The following DENND3 variants were observed in gnomAD, a reference collection of about 807,000 sequenced individuals.
The protein encoded by DENND3 is DENN domain-containing protein 3.
In DENND3, 88 loss-of-function variants were observed where a neutral mutation model predicts 135.1. The observed-to-expected ratio is 0.65, with a 90% CI of 0.55 to 0.78. DENND3 has a LOEUF of 0.78. Ranked by LOEUF, DENND3 falls within the 30% of genes least tolerant of loss-of-function variation. The pLI is 0.00. For missense variants in DENND3, 1,392 were observed against 1,688.4 expected, an observed-to-expected ratio of 0.82 and a Z score of 3.08; for synonymous variants, 693 against 712.3, an observed-to-expected ratio of 0.97 and a Z score of 0.43.
Position 141,146,674 on chromosome 8 carries a change from A to G in DENND3, c.735+2415A>G, listed in dbSNP as rs1589572723. On this transcript the variant is annotated intron_variant, in intron 5 of 22. Transcript: ENST00000519811. This position sits in a 1 kb window ranked among gnomAD's most constrained non-coding sequence, Gnocchi z 4.3. Reference sequence around the variant, plus strand: ...ACTTAAAATGTGCGTTTTTAACATTACCCCAACCCCAGCAGTCTGCTGGGT... The same window carrying G: ...ACTTAAAATGTGCGTTTTTAACATTGCCCCAACCCCAGCAGTCTGCTGGGT... Among the ~76,000 whole-genome samples, 1 of 152,148 alleles carries G rather than the reference A, an allele frequency of 6.6e-6. No homozygotes were observed. Among genetic ancestry groups the G allele is most frequent in the Non-Finnish European group, 1.5e-5 (1 of 68,032 alleles).
chr8:141,128,891 C>T lies in DENND3; in HGVS notation c.102+82C>T, dbSNP rs1302786630. ...AGTCGGAGAGCGGGCGCCCGGGTGCCCTGTGGGTTGGCGCGGACTTTCCGA... is the reference window on the plus strand; with the variant it reads ...AGTCGGAGAGCGGGCGCCCGGGTGCTCTGTGGGTTGGCGCGGACTTTCCGA... On this transcript the variant is annotated intron_variant, in intron 1 of 22. Coordinates refer to ENST00000519811, the MANE Select transcript of DENND3 (RefSeq NM_001352890.3). The surrounding 1 kb of genome is among the most constrained non-coding windows in gnomAD (Gnocchi z 4.5). 2 of 1,089,088 alleles carry T rather than the reference C, an allele frequency of 1.8e-6. No individual in the cohort carries two copies. The highest frequency in any genetic ancestry group is 6.6e-5 in the East Asian group (2 of 30,436). The allele number at this position is 1,089,088 out of a possible 1,614,324, so 67.5% of individuals were successfully genotyped here. A position where few individuals can be genotyped will look rare whatever the true frequency, so the allele number is the denominator to read the frequency against.
At position 141,166,449 on chromosome 8, in the gene DENND3, G is replaced by A; in HGVS notation, c.1753+60G>A. ...GGTCCCACCATTCCTGCACCTGCAAGTCATTGAGCAAAACTGGGACTTGTT... is the reference window on the plus strand; with the variant it reads ...GGTCCCACCATTCCTGCACCTGCAAATCATTGAGCAAAACTGGGACTTGTT... On this transcript the variant is annotated intron_variant, in intron 12 of 22. Transcript: ENST00000519811. The surrounding 1 kb of genome is among the most constrained non-coding windows in gnomAD (Gnocchi z 4.3). 5 of 1,533,872 alleles carry A rather than the reference G, an allele frequency of 3.3e-6. No homozygotes were observed. The highest frequency in any genetic ancestry group is 4.4e-6 in the Non-Finnish European group (5 of 1,139,768).
chr8:141,176,488 C>A, intron 14 of DENND3, 103 bp from the exon 15 acceptor site: 1 of 1,411,242 alleles, frequency 7.1e-7, no homozygotes, highest in Non-Finnish European at 9.9e-7. Context: ...GTGCCTGCAG[C>A]CCATCTGCCT....
rs1319164778 is a variant in DENND3, at chr8:141,180,851, C to T, written c.2941C>T (p.Pro981Ser). Residue 981 changes from proline to serine, a missense_variant, in exon 17 of 23, where the codon CCA becomes TCA. Coordinates refer to ENST00000519811, the MANE Select transcript of DENND3 (RefSeq NM_001352890.3). ...PQAVDVLLYT[P>S]GHLDPAEKVE... ...AGCGGTGGACGTGCTGCTCTACACT[C>T]CAGGTAAGGCCCCTCTGCCCGCGCC... is the stretch of plus-strand genomic sequence containing the variant. The T allele has an allele frequency of 6.2e-7, 1 of 1,610,258 alleles. No homozygotes were observed. Among genetic ancestry groups the T allele is most frequent in the Non-Finnish European group, 8.5e-7 (1 of 1,178,132 alleles).
At chr8:141,187,735 A>G (rs959253028) in intron 18 of DENND3, among the ~76,000 whole-genome samples, 12 of 152,188 alleles carry the variant, frequency 7.9e-5, no homozygotes, top group Admixed American at 7.8e-4. Context: ...TTCCCCCCAT[A>G]TTCAAATCAT....
At chr8:141,161,567 A>G (rs1265248349) in intron 9 of DENND3, among the ~76,000 whole-genome samples, 1 of 152,176 alleles carries the variant, frequency 6.6e-6, no homozygotes, top group Admixed American at 6.5e-5. Flanking sequence ...ATAGATAAGT[A>G]CTTTTTAATG....
Position 141,150,257 on chromosome 8 carries a change from A to C in DENND3, c.736-577A>C, listed in dbSNP as rs896833216. On this transcript the variant is annotated intron_variant, in intron 5 of 22. Coordinates refer to ENST00000519811, the MANE Select transcript of DENND3 (RefSeq NM_001352890.3). ...AAGCCCTCCCTCAGTGAAGGAACTG[A>C]ACCTTCTCCTCTGGATTTCCTCCGC... 4.9e-6 allele frequency: 6 copies of C among 1,223,578 alleles called. No homozygotes were observed. In the Admixed American group the frequency reaches 1.7e-4, roughly 35 times the overall value. The allele number at this position is 1,223,578 out of a possible 1,614,324, so 75.8% of individuals were successfully genotyped here.
intron 7 of DENND3, among the ~76,000 whole-genome samples, chr8:141,153,147 G>A (rs1414143587): frequency 6.9e-6 from 1 of 145,616 alleles, no homozygotes; most frequent in East Asian, 2.0e-4. Context: ...AGGCTGGAGT[G>A]CAATGGCGTG....
rs1271793086 is a variant in DENND3 at position 141,166,759 on chromosome 8, G to A, written c.1753+370G>A. Among the ~76,000 whole-genome samples the A allele has an allele frequency of 1.3e-5, 2 of 152,206 alleles. No individual in the cohort carries two copies. The highest frequency in any genetic ancestry group is 4.8e-5 in the African/African-American group (2 of 41,442). On this transcript the variant is annotated intron_variant, in intron 12 of 22. Transcript: ENST00000519811. The surrounding 1 kb of genome is among the most constrained non-coding windows in gnomAD (Gnocchi z 4.3). The stretch of plus-strand genomic sequence containing the variant: ...GCACCAGGCACTTTCTAGAGCCGGA[G>A]CTGTGAAGGAGCCCAGTGCCCCTGC...
Position 141,192,463 on chromosome 8 carries a change from G to A in DENND3, c.3498+14G>A, listed in dbSNP as rs369310208. On this transcript the variant is annotated intron_variant, in intron 21 of 22. Transcript: ENST00000519811. ...CTCCTTCCTGAGGTATCCCAGCAGG[G>A]GCTGTGGGCCCAGCATGTGCGTGGC... 117 of 1,613,990 alleles carry A rather than the reference G, an allele frequency of 7.2e-5. No individual in the cohort carries two copies. The African/African-American group carries it at 1.5e-3, about 21-fold the overall frequency.
intron 1 of DENND3, among the ~76,000 whole-genome samples, chr8:141,132,398 C>T (rs561204265): frequency 6.6e-6 from 1 of 152,138 alleles, no homozygotes; most frequent in African/African-American, 2.4e-5. Flanking sequence ...ACGCTTGTTG[C>T]CCAGGCTGGA....
intron 7 of DENND3, among the ~76,000 whole-genome samples, chr8:141,155,477 C>T (rs1271307537): frequency 6.7e-6 from 1 of 150,246 alleles, no homozygotes; most frequent in African/African-American, 2.5e-5. Context: ...GATCTCGGCT[C>T]ACTGCGGCCT....
Position 141,159,730 on chromosome 8 carries a change from C to T in DENND3, c.1197-902C>T, listed in dbSNP as rs144800565. Among the ~76,000 whole-genome samples, 202 of 152,324 alleles carry T rather than the reference C, an allele frequency of 1.3e-3. 1 individual carries two copies. The highest frequency in any genetic ancestry group is 1.2e-3 in the East Asian group (6 of 5,190). On this transcript the variant is annotated intron_variant, in intron 8 of 22. Coordinates refer to ENST00000519811, the MANE Select transcript of DENND3 (RefSeq NM_001352890.3). Reference sequence around the variant, plus strand: ...TTCTGTTTATTTTGTATATTTCTAACGTCCCTCTAGACATGCAGCCTTTAG... The same window carrying T: ...TTCTGTTTATTTTGTATATTTCTAATGTCCCTCTAGACATGCAGCCTTTAG...
chr8:141,143,789 G>A (rs1377615588), intron 4 of DENND3: 1 of 182,726 alleles, frequency 5.5e-6, no homozygotes, highest in Non-Finnish European at 1.1e-5. Flanking sequence ...TCTCCTTCCA[G>A]GTGTTTGTTC....
intron 4 of DENND3, chr8:141,142,342 C>G (rs757589641): frequency 5.3e-5 from 24 of 455,866 alleles, no homozygotes; most frequent in Non-Finnish European, 1.0e-4. Flanking sequence ...TTTGTGTCAT[C>G]ATGCTGGAGA....
Position 141,166,408 on chromosome 8 carries a change from T to C in DENND3, c.1753+19T>C, listed in dbSNP as rs412706. The stretch of plus-strand genomic sequence containing the variant: ...AGCGCAGGTGAGGGCTGCCCCCCAC[T>C]GTGGTGCTGTGTGTCGGTCCCACCA... On this transcript the variant is annotated intron_variant, in intron 12 of 22. Transcript: ENST00000519811. This position sits in a 1 kb window ranked among gnomAD's most constrained non-coding sequence, Gnocchi z 4.3. 0.63 allele frequency: 1,007,674 copies of C among 1,602,622 alleles called. 319,212 individuals carry two copies. Among genetic ancestry groups the C allele is most frequent in the African/African-American group, 0.8 (59,547 of 74,864 alleles).
chr8:141,163,066 G>A (rs1820342275), intron 9 of DENND3, among the ~76,000 whole-genome samples: 1 of 152,206 alleles, frequency 6.6e-6, no homozygotes, highest in South Asian at 2.1e-4. Context: ...TGACTTTTGT[G>A]TCTTAATTTG....
At chr8:141,151,469 G>A (rs566185546) in intron 6 of DENND3, 150 bp from the exon 7 acceptor site, 1 of 681,488 alleles carries the variant, frequency 1.5e-6, no homozygotes, top group South Asian at 1.9e-5. Flanking sequence ...GCCAAGGTGG[G>A]AGGATTGCTT....
rs1475673275 is a variant in DENND3, at chr8:141,135,883, C to G, written c.103-626C>G. Among the ~76,000 whole-genome samples, 4 of 152,362 alleles carry G rather than the reference C, an allele frequency of 2.6e-5. No individual in the cohort carries two copies. The South Asian group carries it at 8.3e-4, about 32-fold the overall frequency. ...GTCAGCCGAGGAAGGGCACATGTCT[C>G]ATCTGTACCCACCAGTGCTGTTTCT... On this transcript the variant is annotated intron_variant, in intron 1 of 22. Transcript: ENST00000519811.
Sources: gnomAD v4.1 joint callset for allele counts (sites outside exome capture counted in the v4.1 genomes callset) on GRCh38, gnomAD v4.1.1 for gene constraint, Gnocchi (gnomAD v3.1) non-coding constraint, MANE v1.5 for transcripts, NCBI Gene and HGNC (gene_info 2026-07-23, HGNC 2026-07-21) for gene names.